The following NTRK3 variants were observed in gnomAD, a reference collection of about 807,000 sequenced individuals.
The protein encoded by NTRK3 is neurotrophic receptor tyrosine kinase 3.
A neutral mutation model predicts 91.7 loss-of-function variants in NTRK3; 24 were observed. That is an observed-to-expected ratio of 0.26 (90% CI 0.19 to 0.37). NTRK3 has a LOEUF of 0.37. Among genes scored for constraint, NTRK3 ranks in the 10% least tolerant of loss-of-function variants. The pLI is 1.00. For synonymous variants in NTRK3, 483 were observed against 404.0 expected, an observed-to-expected ratio of 1.20 and a Z score of -2.34; for missense variants, 880 against 1,068.9, an observed-to-expected ratio of 0.82 and a Z score of 2.46.
chr15:87,975,956 A>T (rs2073678677), intron 14 of NTRK3, among the ~76,000 whole-genome samples: 1 of 152,270 alleles, frequency 6.6e-6, no homozygotes, highest in South Asian at 2.1e-4. Flanking sequence ...CTATGGGAAG[A>T]GCACTCCCTC....
chr15:88,137,280 G>T, intron 7 of NTRK3, 124 bp downstream of exon 7: 1 of 1,141,398 alleles, frequency 8.8e-7, no homozygotes, highest in East Asian at 2.5e-5. Context: ...CAACTGCAGA[G>T]TTCAAGGCTG....
chr15:88,137,357 A>G (rs1555520295), intron 7 of NTRK3, 47 bp downstream of exon 7: 5 of 1,606,608 alleles, frequency 3.1e-6, no homozygotes, highest in Middle Eastern at 4.0e-4. Context: ...CTGGTGTCTG[A>G]GGGATGCCTC....
intron 3 of NTRK3, among the ~76,000 whole-genome samples, chr15:88,218,824 G>C (rs1317624721): frequency 6.6e-6 from 1 of 152,238 alleles, no homozygotes; most frequent in Non-Finnish European, 1.5e-5. Flanking sequence ...GAGAGGTGGA[G>C]CTTTAGAGTG....
At chr15:88,087,658 C>G (rs1369133222) in intron 13 of NTRK3, among the ~76,000 whole-genome samples, 1 of 152,206 alleles carries the variant, frequency 6.6e-6, no homozygotes, top group Non-Finnish European at 1.5e-5. Flanking sequence ...AAGGGTCATA[C>G]CTGCATCAGC....
intron 13 of NTRK3, among the ~76,000 whole-genome samples, chr15:88,056,203 T>TATATA (rs554008074): frequency 3.3e-4 from 20 of 60,200 alleles, no homozygotes; most frequent in African/African-American, 1.1e-3. Flanking sequence ...TATATATATA[T>TATATA]TTTTTTTTTA....
chr15:88,099,940 C>T (rs1209374951), intron 13 of NTRK3, among the ~76,000 whole-genome samples: 1 of 152,148 alleles, frequency 6.6e-6, no homozygotes, highest in Non-Finnish European at 1.5e-5. Context: ...GACAAGGATA[C>T]TTTGCACCTT....
At chr15:87,891,998 G>A (rs1186331325) in intron 17 of NTRK3, among the ~76,000 whole-genome samples, 1 of 151,698 alleles carries the variant, frequency 6.6e-6, no homozygotes, top group Non-Finnish European at 1.5e-5. Context: ...CTTTGCAGAT[G>A]CACAACTCTC....
chr15:88,203,291 A>G (rs1024061339), intron 3 of NTRK3, among the ~76,000 whole-genome samples: 3 of 152,114 alleles, frequency 2.0e-5, no homozygotes, highest in African/African-American at 7.2e-5. Context: ...TTCCCAAACT[A>G]AGACACCTTT....
intron 14 of NTRK3, chr15:87,979,448 A>G: frequency 1.2e-6 from 2 of 1,609,418 alleles, no homozygotes; most frequent in East Asian, 2.2e-5. Context: ...TGGATTCAAC[A>G]TAATTTCTCT....
Position 88,090,926 on chromosome 15 carries a change from G to A in NTRK3, c.1396+35345C>T, listed in dbSNP as rs145229183. On this transcript the variant is annotated intron_variant, in intron 13 of 18. Coordinates refer to ENST00000394480, the Ensembl canonical transcript of NTRK3. ...CTGCGCCTCTGGGAACCTGGTGCAC[G>A]GCCATGCGTGCTCAAGCCATCTGAC... Among the ~76,000 whole-genome samples, 92 of 152,284 alleles carry A rather than the reference G, an allele frequency of 6.0e-4. No individual in the cohort carries two copies. The Middle Eastern group carries it at 0.01, about 17-fold the overall frequency.
chr15:87,978,575 G>T, intron 14 of NTRK3: 1 of 230,406 alleles, frequency 4.3e-6, no homozygotes, highest in Non-Finnish European at 8.6e-6. Flanking sequence ...AAGCTTGTCG[G>T]AACTGCAGAT....
rs34162356 is a variant in NTRK3, at chr15:87,945,803, G to GA, written c.1586-5051dup. 9.0e-3 allele frequency among the ~76,000 whole-genome samples: 961 copies of GA among 106,688 alleles called. 18 individuals carry two copies. The highest frequency in any genetic ancestry group is 0.012 in the East Asian group (39 of 3,130). 70.0% of individuals were successfully genotyped at this position (106,688 alleles called of 152,430 possible). A position where few individuals can be genotyped will look rare whatever the true frequency, so the allele number is the denominator to read the frequency against. ...GCACTGCTGAAAGAGTGAAGACTGG[G>GA]AAAAAAAAAAAAAAAAAAAAAAAAA... On this transcript the variant is annotated intron_variant, in intron 14 of 18. Transcript: ENST00000394480.
At chr15:88,210,354 G>T (rs147339314) in intron 3 of NTRK3, among the ~76,000 whole-genome samples, 1 of 152,120 alleles carries the variant, frequency 6.6e-6, no homozygotes, top group Admixed American at 6.6e-5. Flanking sequence ...TATCTTCCTC[G>T]CGGAAGCCTG....
At chr15:88,018,546 A>G (rs1243113595) in intron 14 of NTRK3, among the ~76,000 whole-genome samples, 1 of 152,180 alleles carries the variant, frequency 6.6e-6, no homozygotes, top group Non-Finnish European at 1.5e-5. Context: ...AAAGTGGGGA[A>G]CACTACACTT....
At chr15:88,065,815 G>C (rs893110053) in intron 13 of NTRK3, among the ~76,000 whole-genome samples, 1 of 152,164 alleles carries the variant, frequency 6.6e-6, no homozygotes, top group South Asian at 2.1e-4. Flanking sequence ...TCTCTAATAA[G>C]GTAGTGTTAG....
At chr15:88,017,798 C>A (rs147628741) in intron 14 of NTRK3, among the ~76,000 whole-genome samples, 3 of 152,278 alleles carry the variant, frequency 2.0e-5, no homozygotes, top group African/African-American at 7.2e-5. Flanking sequence ...AACAAATCCC[C>A]ACAAATCCCC....
chr15:88,149,515 C>G (rs1489864630), intron 5 of NTRK3, among the ~76,000 whole-genome samples: 1 of 152,226 alleles, frequency 6.6e-6, no homozygotes, highest in African/African-American at 2.4e-5. Flanking sequence ...TCACTAAAAG[C>G]CTATACACCT....
intron 3 of NTRK3, among the ~76,000 whole-genome samples, chr15:88,215,397 A>C (rs961193988): frequency 6.6e-6 from 1 of 152,098 alleles, no homozygotes; most frequent in Admixed American, 6.5e-5. Context: ...GCAGATATTC[A>C]CTCTGCGTGT....
intron 1 of NTRK3, 33 bp from the exon 2 acceptor site, chr15:88,256,519 A>C (rs2054071271): frequency 1.5e-5 from 2 of 132,482 alleles, no homozygotes; most frequent in South Asian, 3.8e-4. Flanking sequence ...GTGGGGAGGC[A>C]AAAAAAAAAA....
Sources: allele counts gnomAD v4.1 joint callset (sites outside exome capture counted in the v4.1 genomes callset), GRCh38; gene constraint gnomAD v4.1.1; transcripts MANE v1.5; gene names NCBI Gene and HGNC (gene_info 2026-07-23, HGNC 2026-07-21).